Variants in UBE2V1 observed in about 807,000 individuals in gnomAD.
UBE2V1 encodes the protein ubiquitin conjugating enzyme E2 V1, also known as ubiquitin-conjugating enzyme E2 variant 1.
UBE2V1 carries 15 observed loss-of-function variants against 19.6 expected under a neutral mutation model. That is an observed-to-expected ratio of 0.77 (90% CI 0.51 to 1.18). The LOEUF is 1.18. Ranked by LOEUF, UBE2V1 falls within the 50% of genes most tolerant of loss-of-function variation. The probability of loss-of-function intolerance (pLI) is 0.00; values close to 1 mark genes in which losing one functional copy is unlikely to be tolerated. For missense variants in UBE2V1, 125 were observed against 184.8 expected, an observed-to-expected ratio of 0.68 and a Z score of 1.88; for synonymous variants, 60 against 60.7, an observed-to-expected ratio of 0.99 and a Z score of 0.05.
At chr20:50,111,520 G>A in intron 1 of UBE2V1, 1 of 1,000,290 alleles carries the variant, frequency 1.0e-6, no homozygotes, top group Non-Finnish European at 1.2e-6. Flanking sequence ...GGGAGTGCCT[G>A]GGGCAGCGTC....
chr20:50,101,061 T>C (rs2079954287), intron 1 of UBE2V1, among the ~76,000 whole-genome samples: 1 of 152,236 alleles, frequency 6.6e-6, no homozygotes, highest in Non-Finnish European at 1.5e-5. Context: ...AGCCCACACA[T>C]ACAACTGAAC....
intron 1 of UBE2V1, among the ~76,000 whole-genome samples, chr20:50,101,571 C>CAA (rs11481618): frequency 0.18 from 12,841 of 70,914 alleles, 1,201 homozygotes; most frequent in Middle Eastern, 0.22. Context: ...CATTTATAAG[C>CAA]AAAAAAAAAA....
intron 1 of UBE2V1, among the ~76,000 whole-genome samples, chr20:50,103,028 T>A (rs376130869): frequency 6.6e-6 from 1 of 152,246 alleles, no homozygotes; most frequent in East Asian, 1.9e-4. Context: ...TCTTGCCTTA[T>A]TTTTCTTCAT....
At chr20:50,092,985 A>AG (rs1003391609) in intron 2 of UBE2V1, among the ~76,000 whole-genome samples, 1 of 152,162 alleles carries the variant, frequency 6.6e-6, no homozygotes, top group Admixed American at 6.5e-5. Flanking sequence ...TCTGCACCCA[A>AG]GGCCCCCCAC....
chr20:50,092,469 G>C (rs2179600), intron 2 of UBE2V1, among the ~76,000 whole-genome samples: 1 of 152,100 alleles, frequency 6.6e-6, no homozygotes, highest in East Asian at 1.9e-4. Context: ...TGGAGACGGG[G>C]GTACTGCTGG....
chr20:50,087,905 T>C (rs1388987846), intron 2 of UBE2V1, among the ~76,000 whole-genome samples: 1 of 151,974 alleles, frequency 6.6e-6, no homozygotes, highest in African/African-American at 2.4e-5. Flanking sequence ...TGGCAAAACA[T>C]GGCACCAGGT....
intron 2 of UBE2V1, among the ~76,000 whole-genome samples, chr20:50,093,551 G>T (rs1343109029): frequency 6.6e-6 from 1 of 152,166 alleles, no homozygotes; most frequent in Non-Finnish European, 1.5e-5. Flanking sequence ...AGAATGTGGA[G>T]AAATGGGAAC....
intron 1 of UBE2V1, 47 bp downstream of exon 1, chr20:50,113,060 C>T (rs1361021370): frequency 4.4e-6 from 4 of 902,540 alleles, no homozygotes; most frequent in Admixed American, 7.9e-5. Context: ...GGCCCCCGGC[C>T]CAAGCCCATG....
intron 1 of UBE2V1, 25 bp downstream of exon 1, chr20:50,113,082 G>T (rs773097861): frequency 1.4e-5 from 16 of 1,166,098 alleles, no homozygotes; most frequent in Non-Finnish European, 1.5e-5. Flanking sequence ...CCCCTCGGCC[G>T]GCCGGGCCCG....
intron 2 of UBE2V1, among the ~76,000 whole-genome samples, chr20:50,087,829 G>A (rs1330033761): frequency 5.9e-5 from 9 of 152,170 alleles, no homozygotes; most frequent in East Asian, 1.9e-4. Flanking sequence ...CATATAACCC[G>A]GAGACTTCGT....
rs574655611 is a variant in UBE2V1, at chr20:50,111,666, G to A, written c.22+1441C>T. On this transcript the variant is annotated intron_variant, in intron 1 of 3. Coordinates refer to ENST00000371674, the MANE Select transcript of UBE2V1 (RefSeq NM_001032288.3). ...CAGCAGCTTGTGGTGGGTCACTTCA[G>A]TCAGATCCCCCACATTCAATTTCTT... is the stretch of plus-strand genomic sequence containing the variant. The A allele has an allele frequency of 7.1e-6, 6 of 849,934 alleles. No homozygotes were observed. The South Asian group carries it at 2.7e-4, about 39-fold the overall frequency. 52.6% of individuals were successfully genotyped at this position (849,934 alleles called of 1,614,324 possible). A position where few individuals can be genotyped will look rare whatever the true frequency, so the allele number is the denominator to read the frequency against.
Position 50,082,821 on chromosome 20 carries a change from T to C in UBE2V1, c.391A>G (p.Lys131Glu). ...LQELRRLMMS[K>E]ENMKLPQPPE... ...GGCTGAGGGAGTTTCATATTTTCTT[T>C]AGACATCATTAGGCGCCGAAGCTCT... The change falls in exon 4 of 4, where the codon AAA becomes GAA. Residue 131 changes from lysine to glutamate, a missense_variant. Physicochemically the swap from Lys to Glu is moderately conservative, Grantham distance 56 (BLOSUM62 1). Transcript: ENST00000371674. 1 of 1,613,416 alleles carries C rather than the reference T, an allele frequency of 6.2e-7. No individual in the cohort carries two copies. Among genetic ancestry groups the C allele is most frequent in the Non-Finnish European group, 8.5e-7 (1 of 1,179,866 alleles).
At chr20:50,099,968 C>T (rs1569000620) in intron 1 of UBE2V1, among the ~76,000 whole-genome samples, 1 of 151,884 alleles carries the variant, frequency 6.6e-6, no homozygotes, top group Non-Finnish European at 1.5e-5. Flanking sequence ...CATGGTGGTG[C>T]CCACCTGTAG....
At chr20:50,085,598 G>A (rs1193763246) in intron 2 of UBE2V1, among the ~76,000 whole-genome samples, 1 of 152,142 alleles carries the variant, frequency 6.6e-6, no homozygotes, top group Non-Finnish European at 1.5e-5. Flanking sequence ...CTCAGGAAAG[G>A]AGTCTTGTAC....
intron 1 of UBE2V1, among the ~76,000 whole-genome samples, chr20:50,104,957 C>T (rs2080263613): frequency 6.6e-6 from 1 of 152,030 alleles, no homozygotes; most frequent in Non-Finnish European, 1.5e-5. Flanking sequence ...AGACTCCTGA[C>T]CTCAAGTGAT....
chr20:50,084,438 C>T (rs776939076), intron 2 of UBE2V1, 184 bp from the exon 3 acceptor site: 7 of 1,084,272 alleles, frequency 6.5e-6, no homozygotes, highest in Middle Eastern at 2.0e-4. Flanking sequence ...ATATGACTTC[C>T]GGGCCTTGGG....
chr20:50,081,871 G>C lies in UBE2V1; in HGVS notation c.*897C>G. 1 of 264,178 alleles carries C rather than the reference G, an allele frequency of 3.8e-6. No individual in the cohort carries two copies. The highest frequency in any genetic ancestry group is 5.3e-5 in the Admixed American group (1 of 18,770). 16.4% of individuals were successfully genotyped at this position (264,178 alleles called of 1,614,324 possible). A position where few individuals can be genotyped will look rare whatever the true frequency, so the allele number is the denominator to read the frequency against. The stretch of plus-strand genomic sequence containing the variant: ...CAATGCATCAGCTGATGACAGCAGA[G>C]GGTGGCAGGGCTGAGGACCCAATAT... On this transcript the variant is annotated 3_prime_UTR_variant, in exon 4 of 4. Transcript: ENST00000371674.
intron 2 of UBE2V1, among the ~76,000 whole-genome samples, chr20:50,093,994 A>ATT (rs1198784859): frequency 1.3e-4 from 15 of 112,348 alleles, no homozygotes; most frequent in East Asian, 1.3e-3. Context: ...ACTCAAAAAA[A>ATT]AAAAAAAAAA....
chr20:50,098,812 A>G (rs2079801383), intron 1 of UBE2V1: 1 of 579,984 alleles, frequency 1.7e-6, no homozygotes, highest in African/African-American at 2.0e-5. Flanking sequence ...GAGTCAGTTG[A>G]TTACAAGAAA....
Sources: gnomAD v4.1 joint callset for allele counts (sites outside exome capture counted in the v4.1 genomes callset) on GRCh38, gnomAD v4.1.1 for gene constraint, MANE v1.5 for transcripts, NCBI Gene and HGNC (gene_info 2026-07-23, HGNC 2026-07-21) for gene names.